The following USP35 variants were observed in gnomAD, a reference collection of about 807,000 sequenced individuals.
USP35 encodes ubiquitin carboxyl-terminal hydrolase 35.
Under a neutral mutation model 83.8 loss-of-function variants are expected in USP35, and 69 were observed. That is an observed-to-expected ratio of 0.82 (90% CI 0.68 to 1.01). The LOEUF is 1.01. Ranked by LOEUF, USP35 falls within the 50% of genes least tolerant of loss-of-function variation. The pLI, the probability that USP35 is intolerant of heterozygous loss-of-function variation, is 0.00. For synonymous variants in USP35, 714 were observed against 589.5 expected (o/e 1.21, Z -3.06); for missense variants, 1,503 against 1,362.5 (o/e 1.10, Z -1.62).
the USP35 span, chr11:78,226,432 T>C: frequency 6.6e-7 from 1 of 1,521,792 alleles, no homozygotes. Context: ...TACCTCCTCC[T>C]CCCTCTGAGT....
At chr11:78,194,966 G>A (rs1863099815) in intron 1 of USP35, among the ~76,000 whole-genome samples, 1 of 152,200 alleles carries the variant, frequency 6.6e-6, no homozygotes, top group South Asian at 2.1e-4. Flanking sequence ...GCTCAGGTGA[G>A]GCTTCCTTGA....
the USP35 span, among the ~76,000 whole-genome samples, chr11:78,230,240 T>G: frequency 6.6e-6 from 1 of 152,236 alleles, no homozygotes; most frequent in Non-Finnish European, 1.5e-5. Context: ...CCTTCCTCTG[T>G]AGAACCCACT....
At position 78,199,709 on chromosome 11, in the gene USP35, C is replaced by T. The variant is rs776263757; in HGVS notation, c.921C>T (p.Leu307=). 2 of 1,614,172 alleles carry T rather than the reference C, an allele frequency of 1.2e-6. No homozygotes were observed. The highest frequency in any genetic ancestry group is 1.1e-5 in the South Asian group (1 of 91,082). ...TCAGCATCTTGATCGAGGTTTCGCT[C>T]ACCAAAATTGAGAAGGTTGGTGCCC... The part of the protein sequence containing the change: ...KKFSILIEVS[L]TKIEKVFSKL... The change falls in exon 4 of 11, where the codon CTC becomes CTT. Residue 307 remains leucine, a synonymous_variant. Coordinates refer to ENST00000529308, the MANE Select transcript of USP35 (RefSeq NM_020798.4).
intron 6 of USP35, among the ~76,000 whole-genome samples, chr11:78,201,111 G>A (rs1479571454): frequency 6.6e-6 from 1 of 152,186 alleles, no homozygotes; most frequent in Admixed American, 6.5e-5. Flanking sequence ...GCTCTGCCTG[G>A]ACAGCTCCTG....
At chr11:78,224,198 A>G in the USP35 span, among the ~76,000 whole-genome samples, 1 of 152,314 alleles carries the variant, frequency 6.6e-6, no homozygotes, top group Non-Finnish European at 1.5e-5. Flanking sequence ...TGATAAATCT[A>G]GAGTATAAAA....
At position 78,213,988 on chromosome 11, in the gene USP35, C is replaced by T; in HGVS notation, c.*175C>T. ...CAGATATGGAAGTAAGACCTAAGTC[C>T]CTTTCATTGGGGATCAGTCCCATTA... is the stretch of plus-strand genomic sequence containing the variant. On this transcript the variant is annotated 3_prime_UTR_variant, in exon 11 of 11. Coordinates refer to ENST00000529308, the MANE Select transcript of USP35 (RefSeq NM_020798.4). The T allele has an allele frequency of 1.5e-6, 1 of 671,252 alleles. No individual in the cohort carries two copies. Among genetic ancestry groups the T allele is most frequent in the East Asian group, 3.5e-5 (1 of 28,790 alleles). 41.6% of individuals were successfully genotyped at this position (671,252 alleles called of 1,614,324 possible). A position where few individuals can be genotyped will look rare whatever the true frequency, so the allele number is the denominator to read the frequency against.
intron 3 of USP35, chr11:78,199,373 C>T (rs1863265669): frequency 1.7e-6 from 1 of 599,818 alleles, no homozygotes; most frequent in Non-Finnish European, 2.9e-6. Flanking sequence ...GAGGGCCTGG[C>T]TCCCTTCTTG....
chr11:78,228,237 G>C, the USP35 span, among the ~76,000 whole-genome samples: 1 of 152,204 alleles, frequency 6.6e-6, no homozygotes, highest in Non-Finnish European at 1.5e-5. Flanking sequence ...CTCTGTAAGT[G>C]CTTTGGGAAA....
At chr11:78,211,891 TTG>T (rs1863793659) in intron 10 of USP35, among the ~76,000 whole-genome samples, 1 of 152,136 alleles carries the variant, frequency 6.6e-6, no homozygotes. Flanking sequence ...ATTCTGTAGG[TTG>T]TGTCTACTCT....
Position 78,196,214 on chromosome 11 carries a change from C to T in USP35, c.-10-22C>T, listed in dbSNP as rs1282783173. 3.2e-6 allele frequency: 5 copies of T among 1,570,132 alleles called. No individual in the cohort carries two copies. The highest frequency in any genetic ancestry group is 3.6e-5 in the Admixed American group (2 of 56,044). On this transcript the variant is annotated intron_variant, in intron 1 of 10. Coordinates refer to ENST00000529308, the MANE Select transcript of USP35 (RefSeq NM_020798.4). This position sits in a 1 kb window ranked among gnomAD's most constrained non-coding sequence, Gnocchi z 4.8. ...GAGCCCCGCGGTTGTCGGGCTGTGA[C>T]CTCATTCCCTGTCCTCCGCAGCGCG...
intron 10 of USP35, among the ~76,000 whole-genome samples, chr11:78,212,004 A>T (rs1022645438): frequency 1.3e-5 from 2 of 152,216 alleles, no homozygotes; most frequent in Non-Finnish European, 2.9e-5. Context: ...TTCCATCATT[A>T]AATCTTTGCC....
Position 78,207,581 on chromosome 11 carries a change from G to T in USP35, c.1443G>T (p.Met481Ile). The change falls in exon 8 of 11, where the codon ATG becomes ATT. Residue 481 changes from methionine to isoleucine, a missense_variant. Coordinates refer to ENST00000529308, the MANE Select transcript of USP35 (RefSeq NM_020798.4). Reference sequence around the variant, plus strand: ...CTGAGAACAACTCACAGCCCCTGATGACCAAGCTGCAGTGGCTCTTTGGCT... The same window carrying T: ...CTGAGAACAACTCACAGCCCCTGATTACCAAGCTGCAGTGGCTCTTTGGCT... ...RLTENNSQPL[M>I]TKLQWLFGFL... 6.2e-7 allele frequency: 1 copy of T among 1,614,148 alleles called. No individual in the cohort carries two copies. Among genetic ancestry groups the T allele is most frequent in the South Asian group, 1.1e-5 (1 of 91,070 alleles).
At chr11:78,227,289 A>G in the USP35 span, among the ~76,000 whole-genome samples, 1 of 152,312 alleles carries the variant, frequency 6.6e-6, no homozygotes, top group Admixed American at 6.5e-5. Context: ...CCACTCCCTG[A>G]ACAAGTATCA....
chr11:78,190,583 G>C (rs1287591140), intron 1 of USP35, among the ~76,000 whole-genome samples: 1 of 152,216 alleles, frequency 6.6e-6, no homozygotes, highest in African/African-American at 2.4e-5. Flanking sequence ...TCAGAGACGG[G>C]GATTGGACCT....
At position 78,215,135 on chromosome 11, in the gene USP35, C is replaced by T. The variant is rs554161595; in HGVS notation, c.*1322C>T. On this transcript the variant is annotated 3_prime_UTR_variant, in exon 11 of 11. Coordinates refer to ENST00000529308, the MANE Select transcript of USP35 (RefSeq NM_020798.4). The stretch of plus-strand genomic sequence containing the variant: ...GGATGGGTAAATGCTAGTATGATTT[C>T]CACTTTACAACAGACGCTGAGGTAG... 4.6e-5 allele frequency among the ~76,000 whole-genome samples: 7 copies of T among 152,304 alleles called. No individual in the cohort carries two copies. In the South Asian group the frequency reaches 1.4e-3, roughly 32 times the overall value.
chr11:78,231,336 G>GGTGTGTGTGTGTGTGT, the USP35 span, among the ~76,000 whole-genome samples: 2,608 of 145,854 alleles, frequency 0.018, 39 homozygotes, highest in Non-Finnish European at 0.022. Flanking sequence ...GCGCGTGTGT[G>GGTGTGTGTGTGTGTGT]GTGTGTGTGT....
At chr11:78,220,547 A>G in the USP35 span, 4 of 927,826 alleles carry the variant, frequency 4.3e-6, no homozygotes, top group South Asian at 3.5e-5. Flanking sequence ...CCTGAGCCCT[A>G]CTCTGACACA....
chr11:78,211,615 G>A (rs925420588), intron 10 of USP35, among the ~76,000 whole-genome samples: 14 of 152,218 alleles, frequency 9.2e-5, no homozygotes, highest in Non-Finnish European at 1.8e-4. Flanking sequence ...ACCAGCATAT[G>A]TTGTTTCCTG....
chr11:78,232,105 A>G, the USP35 span, among the ~76,000 whole-genome samples: 2 of 152,230 alleles, frequency 1.3e-5, no homozygotes, highest in African/African-American at 2.4e-5. Flanking sequence ...ATGTGAAACT[A>G]AAAGTTGTAT....
Sources: allele counts gnomAD v4.1 joint callset (sites outside exome capture counted in the v4.1 genomes callset), GRCh38; gene constraint gnomAD v4.1.1; non-coding constraint Gnocchi (gnomAD v3.1); transcripts MANE v1.5; gene names NCBI Gene and HGNC (gene_info 2026-07-23, HGNC 2026-07-21).